The following SAMSN1 variants were observed in gnomAD, a reference collection of about 807,000 sequenced individuals.
SAMSN1 encodes SAM domain-containing protein SAMSN-1.
In SAMSN1, 31 loss-of-function variants were observed where a neutral mutation model predicts 42.0. That is an observed-to-expected ratio of 0.74 (90% CI 0.55 to 1.00). The LOEUF is 1.00. Among genes scored for constraint, SAMSN1 ranks in the 50% least tolerant of loss-of-function variants. The probability of loss-of-function intolerance (pLI) is 0.00; values close to 1 mark genes in which losing one functional copy is unlikely to be tolerated. For missense variants in SAMSN1, 464 were observed against 439.4 expected (o/e 1.06, Z -0.50); for synonymous variants, 178 against 151.9 (o/e 1.17, Z -1.26).
intron 2 of SAMSN1, among the ~76,000 whole-genome samples, chr21:14,575,613 T>A (rs146600655): frequency 2.0e-5 from 3 of 152,216 alleles, no homozygotes; most frequent in Non-Finnish European, 4.4e-5. Context: ...TGTTAAATTA[T>A]GAGGAATTAT....
At chr21:14,653,123 T>C (rs1983862204) in intron 1 of SAMSN1, among the ~76,000 whole-genome samples, 1 of 151,998 alleles carries the variant, frequency 6.6e-6, no homozygotes, top group Admixed American at 6.6e-5. Flanking sequence ...TGGAGAACAG[T>C]TTGGAGGTTC....
chr21:14,569,550 C>G (rs1251221343), intron 2 of SAMSN1, among the ~76,000 whole-genome samples: 1 of 152,068 alleles, frequency 6.6e-6, no homozygotes, highest in Non-Finnish European at 1.5e-5. Flanking sequence ...AACCCAAGCC[C>G]ACACAGCCAG....
At chr21:14,598,329 G>C (rs1982329836) in intron 6 of SAMSN1, 1 of 152,146 alleles carries the variant, frequency 6.6e-6, no homozygotes, top group Non-Finnish European at 1.5e-5. Flanking sequence ...CTGTATTACT[G>C]CATATTTTAT....
At chr21:14,612,411 T>C (rs562448652) in intron 4 of SAMSN1, 18 of 216,322 alleles carry the variant, frequency 8.3e-5, no homozygotes, top group Non-Finnish European at 1.7e-4. Context: ...CAAACCAAAC[T>C]GATTGCATGT....
At position 14,581,344 on chromosome 21, in the gene SAMSN1, C is replaced by CTTTTTTTTTTTTTTTTTT. The variant is rs56728511; in HGVS notation, c.261+774_261+791dup. On this transcript the variant is annotated intron_variant, in intron 2 of 8. Transcript: ENST00000285670. ...TGTAAAATGAGGGGAAATAATATTT[C>CTTTTTTTTTTTTTTTTTT]TTTTTTTTTTTTTTTTTTTTTTTTT... Among the ~76,000 whole-genome samples, 94 of 32,594 alleles carry CTTTTTTTTTTTTTTTTTT rather than the reference C, an allele frequency of 2.9e-3. 36 individuals carry two copies. Among genetic ancestry groups the CTTTTTTTTTTTTTTTTTT allele is most frequent in the Non-Finnish European group, 4.1e-3 (74 of 17,844 alleles). 21.4% of individuals were successfully genotyped at this position (32,594 alleles called of 152,430 possible).
At chr21:14,489,342 A>C (rs950093740) in intron 7 of SAMSN1, among the ~76,000 whole-genome samples, 5 of 152,272 alleles carry the variant, frequency 3.3e-5, no homozygotes, top group Non-Finnish European at 7.4e-5. Flanking sequence ...CGCTAGGTTT[A>C]AAAAAGTATA....
intron 2 of SAMSN1, among the ~76,000 whole-genome samples, chr21:14,620,218 C>A (rs1568833489): frequency 6.6e-6 from 1 of 152,122 alleles, no homozygotes; most frequent in Non-Finnish European, 1.5e-5. Flanking sequence ...TGTGTCCCCA[C>A]CCAAATCTCA....
At chr21:14,649,932 A>G (rs937944326) in intron 1 of SAMSN1, among the ~76,000 whole-genome samples, 1 of 152,208 alleles carries the variant, frequency 6.6e-6, no homozygotes, top group African/African-American at 2.4e-5. Flanking sequence ...AAAATCTATA[A>G]GAAGAGACAA....
At chr21:14,509,589 C>T (rs945941376) in intron 5 of SAMSN1, among the ~76,000 whole-genome samples, 8 of 152,188 alleles carry the variant, frequency 5.3e-5, no homozygotes, top group Admixed American at 5.2e-4. Context: ...AAGTCTGGTT[C>T]CCAAGGCCTT....
At chr21:14,621,227 A>T (rs1982994887) in intron 2 of SAMSN1, among the ~76,000 whole-genome samples, 1 of 152,220 alleles carries the variant, frequency 6.6e-6, no homozygotes, top group African/African-American at 2.4e-5. Context: ...AGCTCCCAGC[A>T]TGAGTGACAC....
At chr21:14,617,001 A>T (rs1982855650) in intron 2 of SAMSN1, among the ~76,000 whole-genome samples, 1 of 152,214 alleles carries the variant, frequency 6.6e-6, no homozygotes, top group Non-Finnish European at 1.5e-5. Flanking sequence ...TTTTAACTGC[A>T]GAGGACAATT....
At chr21:14,583,557 A>G, upstream of SAMSN1, 2 of 632,320 alleles carry the variant, frequency 3.2e-6, no homozygotes, top group South Asian at 1.9e-5. Flanking sequence ...TTTAATGATT[A>G]TCTTAAGACT....
At chr21:14,649,756 T>G (rs1490889787) in intron 1 of SAMSN1, among the ~76,000 whole-genome samples, 1 of 133,288 alleles carries the variant, frequency 7.5e-6, no homozygotes, top group Admixed American at 7.6e-5. Flanking sequence ...GGTGACGGAG[T>G]GAGACACTGT....
At chr21:14,518,491 C>T (rs530672054) in intron 2 of SAMSN1, among the ~76,000 whole-genome samples, 2 of 152,122 alleles carry the variant, frequency 1.3e-5, no homozygotes, top group African/African-American at 4.8e-5. Context: ...TCCTAAAATA[C>T]CTTATATTTG....
At chr21:14,626,574 G>A (rs984626699) in intron 2 of SAMSN1, among the ~76,000 whole-genome samples, 1 of 152,168 alleles carries the variant, frequency 6.6e-6, no homozygotes, top group African/African-American at 2.4e-5. Context: ...AAACCACAAT[G>A]AGATACCATC....
At chr21:14,498,994 A>G (rs1390992990) in intron 6 of SAMSN1, among the ~76,000 whole-genome samples, 1 of 152,214 alleles carries the variant, frequency 6.6e-6, no homozygotes, top group African/African-American at 2.4e-5. Context: ...TTCAGAATCT[A>G]CATCTCTTCT....
chr21:14,642,578 G>A (rs188810373), intron 2 of SAMSN1, among the ~76,000 whole-genome samples: 37 of 152,236 alleles, frequency 2.4e-4, no homozygotes, highest in Admixed American at 2.2e-3. Flanking sequence ...ATTGACAAAC[G>A]CATAAATCTA....
intron 3 of SAMSN1, among the ~76,000 whole-genome samples, chr21:14,516,580 C>T (rs141615602): frequency 1.4e-4 from 22 of 152,078 alleles, no homozygotes; most frequent in East Asian, 1.2e-3. Context: ...TTAGTAGAGA[C>T]GGGGTTTCAC....
intron 1 of SAMSN1, among the ~76,000 whole-genome samples, chr21:14,537,957 T>C (rs922948562): frequency 2.0e-5 from 3 of 152,254 alleles, no homozygotes; most frequent in African/African-American, 7.2e-5. Context: ...TCAGCCTTGA[T>C]GAACCTTGAG....
Sources: allele counts gnomAD v4.1 joint callset (sites outside exome capture counted in the v4.1 genomes callset), GRCh38; gene constraint gnomAD v4.1.1; transcripts MANE v1.5; gene names NCBI Gene and HGNC (gene_info 2026-07-23, HGNC 2026-07-21).